Variants in KCNH7 observed in about 807,000 individuals in gnomAD.
KCNH7 encodes potassium voltage-gated channel subfamily H member 7, also known as voltage-gated inwardly rectifying potassium channel KCNH7.
KCNH7 carries 49 observed loss-of-function variants against 120.8 expected under a neutral mutation model. The ratio of observed to expected loss-of-function variants is 0.41; its 90% CI spans 0.32 to 0.51. The LOEUF (loss-of-function observed/expected upper bound fraction) is 0.51, where lower values mean the gene tolerates loss of function less well. Among genes scored for constraint, KCNH7 ranks in the 20% least tolerant of loss-of-function variants. The pLI, the probability that KCNH7 is intolerant of heterozygous loss-of-function variation, is 0.38. For missense variants in KCNH7, 1,097 were observed against 1,446.6 expected, an observed-to-expected ratio of 0.76 and a Z score of 3.92; for synonymous variants, 547 against 516.1, an observed-to-expected ratio of 1.06 and a Z score of -0.81.
intron 14 of KCNH7, among the ~76,000 whole-genome samples, chr2:162,374,188 T>G (rs1195695642): frequency 1.3e-5 from 2 of 152,234 alleles, no homozygotes; most frequent in Admixed American, 6.5e-5. Flanking sequence ...TATTCTTTCT[T>G]TAATGTTTAA....
At chr2:162,521,984 C>T (rs148978511) in intron 3 of KCNH7, among the ~76,000 whole-genome samples, 1 of 151,810 alleles carries the variant, frequency 6.6e-6, no homozygotes, top group African/African-American at 2.4e-5. Context: ...TGACAATGTG[C>T]AGACAAACCA....
rs189684420 is a variant in KCNH7, at chr2:162,476,566, C to G, written c.1128+27877G>C. Among the ~76,000 whole-genome samples the G allele has an allele frequency of 3.8e-3, 581 of 152,200 alleles. 10 individuals carry two copies. Among genetic ancestry groups the G allele is most frequent in the African/African-American group, 0.013 (540 of 41,552 alleles). On this transcript the variant is annotated intron_variant, in intron 6 of 15. Coordinates refer to ENST00000332142, the MANE Select transcript of KCNH7 (RefSeq NM_033272.4). ...CTTACCAGTTCATTTTAAATTACTTCCATTTTACTAAGCTATATGTCATTT... is the reference window on the plus strand; with the variant it reads ...CTTACCAGTTCATTTTAAATTACTTGCATTTTACTAAGCTATATGTCATTT...
At chr2:162,808,379 T>A (rs1336938152) in intron 2 of KCNH7, among the ~76,000 whole-genome samples, 1 of 152,118 alleles carries the variant, frequency 6.6e-6, no homozygotes, top group Non-Finnish European at 1.5e-5. Context: ...CCCCACAAAA[T>A]TTTTAGTATG....
chr2:162,824,852 A>G (rs1397884536), intron 2 of KCNH7, among the ~76,000 whole-genome samples: 2 of 151,974 alleles, frequency 1.3e-5, no homozygotes, highest in Admixed American at 6.6e-5. Flanking sequence ...ATATATATAT[A>G]TGTAGAGAGA....
chr2:162,620,157 T>C (rs1350368559), intron 2 of KCNH7, among the ~76,000 whole-genome samples: 3 of 149,680 alleles, frequency 2.0e-5, no homozygotes, highest in South Asian at 2.1e-4. Flanking sequence ...TATAGATATA[T>C]ATATAGAGAG....
rs570195054 is a variant in KCNH7, at chr2:162,512,567, T to C, written c.913+87A>G. The C allele has an allele frequency of 5.4e-5, 64 of 1,184,398 alleles. No individual in the cohort carries two copies. The South Asian group carries it at 7.6e-4, about 14-fold the overall frequency. The allele number at this position is 1,184,398 out of a possible 1,614,324, so 73.4% of individuals were successfully genotyped here. A position where few individuals can be genotyped will look rare whatever the true frequency, so the allele number is the denominator to read the frequency against. On this transcript the variant is annotated intron_variant, in intron 5 of 15. Transcript: ENST00000332142. ...TAAGGGCAGCATGAAGATGTTGCAC[T>C]GAACAGGGCATACAGCAGGCAAGTT...
chr2:162,494,998 TGA>T (rs539774234), intron 6 of KCNH7, among the ~76,000 whole-genome samples: 2 of 152,236 alleles, frequency 1.3e-5, no homozygotes, highest in Non-Finnish European at 2.9e-5. Flanking sequence ...CTTTAATAAT[TGA>T]GTAAGCTATA....
chr2:162,595,966 A>C (rs1694365803), intron 2 of KCNH7, among the ~76,000 whole-genome samples: 1 of 152,096 alleles, frequency 6.6e-6, no homozygotes, highest in Admixed American at 6.6e-5. Flanking sequence ...TAATAGCATA[A>C]AAAATAAAAT....
At chr2:162,692,932 T>A (rs935271501) in intron 2 of KCNH7, among the ~76,000 whole-genome samples, 1 of 151,284 alleles carries the variant, frequency 6.6e-6, no homozygotes, top group East Asian at 1.9e-4. Context: ...ATACACCTTC[T>A]AAATAATCAA....
At chr2:162,808,410 A>G (rs1684623938) in intron 2 of KCNH7, among the ~76,000 whole-genome samples, 1 of 152,204 alleles carries the variant, frequency 6.6e-6, no homozygotes, top group Non-Finnish European at 1.5e-5. Flanking sequence ...ACCAGGAGTT[A>G]TCACAAAGGA....
At chr2:162,760,373 A>G (rs1688927870) in intron 2 of KCNH7, among the ~76,000 whole-genome samples, 1 of 151,868 alleles carries the variant, frequency 6.6e-6, no homozygotes. Flanking sequence ...ATCTCAATAA[A>G]CTCCTCCTTG....
chr2:162,736,035 G>C (rs991973253), intron 2 of KCNH7, among the ~76,000 whole-genome samples: 1 of 152,178 alleles, frequency 6.6e-6, no homozygotes, highest in Non-Finnish European at 1.5e-5. Context: ...TGGTGGAACT[G>C]ATGTTGATGA....
At chr2:162,554,024 T>C (rs894490178) in intron 2 of KCNH7, among the ~76,000 whole-genome samples, 26 of 152,232 alleles carry the variant, frequency 1.7e-4, no homozygotes, top group African/African-American at 5.5e-4. Flanking sequence ...TTTCCTCCCA[T>C]GCCTGGATCA....
intron 2 of KCNH7, among the ~76,000 whole-genome samples, chr2:162,782,496 G>A (rs1162232357): frequency 6.6e-6 from 1 of 152,134 alleles, no homozygotes; most frequent in Non-Finnish European, 1.5e-5. Context: ...CATTTTCAAG[G>A]AACAATGAGA....
At chr2:162,803,558 C>T (rs1258217799) in intron 2 of KCNH7, among the ~76,000 whole-genome samples, 2 of 151,622 alleles carry the variant, frequency 1.3e-5, no homozygotes, top group Admixed American at 1.3e-4. Flanking sequence ...AGCCTAAATG[C>T]TTTTTACTGT....
intron 2 of KCNH7, among the ~76,000 whole-genome samples, chr2:162,581,524 A>G (rs1237580137): frequency 6.6e-6 from 1 of 152,048 alleles, no homozygotes; most frequent in Non-Finnish European, 1.5e-5. Flanking sequence ...TTATAAAAAG[A>G]GGCATTGGAG....
chr2:162,764,394 C>G (rs1342265622), intron 2 of KCNH7, among the ~76,000 whole-genome samples: 1 of 152,080 alleles, frequency 6.6e-6, no homozygotes, highest in African/African-American at 2.4e-5. Context: ...CTCCATGTAG[C>G]CTCCTTCATA....
At chr2:162,412,572 C>T (rs1345441822) in intron 9 of KCNH7, among the ~76,000 whole-genome samples, 1 of 152,094 alleles carries the variant, frequency 6.6e-6, no homozygotes, top group Non-Finnish European at 1.5e-5. Flanking sequence ...ACATTAGTGA[C>T]CTGCTCCTGG....
intron 2 of KCNH7, among the ~76,000 whole-genome samples, chr2:162,763,357 G>T (rs1381971680): frequency 6.6e-6 from 1 of 151,970 alleles, no homozygotes; most frequent in Admixed American, 6.6e-5. Flanking sequence ...TATGCCATTT[G>T]CTTTCCACTT....
Sources: gnomAD v4.1 joint callset for allele counts (sites outside exome capture counted in the v4.1 genomes callset) on GRCh38, gnomAD v4.1.1 for gene constraint, MANE v1.5 for transcripts, NCBI Gene and HGNC (gene_info 2026-07-23, HGNC 2026-07-21) for gene names.